The following CACNG5 variants were observed in gnomAD, a reference collection of about 807,000 sequenced individuals.
CACNG5 encodes the protein calcium voltage-gated channel auxiliary subunit gamma 5, also known as voltage-dependent calcium channel gamma-5 subunit.
Under a neutral mutation model 24.8 loss-of-function variants are expected in CACNG5, and 18 were observed. The ratio of observed to expected loss-of-function variants is 0.73; its 90% CI spans 0.50 to 1.08. CACNG5 has a LOEUF of 1.08. Ranked by LOEUF, CACNG5 falls within the 50% of genes least tolerant of loss-of-function variation. The pLI is 0.00. For synonymous variants in CACNG5, 157 were observed against 149.1 expected (o/e 1.05, Z -0.39); for missense variants, 349 against 367.9 (o/e 0.95, Z 0.42).
rs143414497 is a variant in CACNG5, at chr17:66,885,178, A to T, written c.766A>T (p.Ser256Cys). 5 of 1,611,478 alleles carry T rather than the reference A, an allele frequency of 3.1e-6. No homozygotes were observed. In the South Asian group the frequency reaches 5.5e-5, roughly 18 times the overall value. Residue 256 changes from serine to cysteine, a missense_variant, in exon 6 of 6, where the codon AGC becomes TGC. Physicochemically the swap from Ser to Cys is moderately radical, Grantham distance 112 (BLOSUM62 -1). Coordinates refer to ENST00000533854, the MANE Select transcript of CACNG5 (RefSeq NM_145811.3). ...CAGCGAGGCCTCCCTGCAGATGAAC[A>T]GCAACTACCCCGCCTTGCTCAAGTG... ...ISSEASLQMN[S>C]NYPALLKCPD...
chr17:66,880,794 T>C, intron 4 of CACNG5, 97 bp downstream of exon 4: 13 of 1,370,094 alleles, frequency 9.5e-6, no homozygotes, highest in Non-Finnish European at 1.3e-5. Context: ...CACGCTGGAG[T>C]GCAGTGGCAC....
Position 66,892,411 on chromosome 17 carries a change from C to G in CACNG5, c.*7171C>G, listed in dbSNP as rs537057800. Among the ~76,000 whole-genome samples the G allele has an allele frequency of 1.0e-3, 153 of 152,344 alleles. 2 individuals are homozygous for G. The highest frequency in any genetic ancestry group is 3.7e-3 in the African/African-American group (152 of 41,576). On this transcript the variant is annotated 3_prime_UTR_variant, in exon 6 of 6. Transcript: ENST00000533854. The stretch of plus-strand genomic sequence containing the variant: ...TCTCCAGCCCACTGTCAGGGCCAAG[C>G]AAGCAGGGATGCAAGCAGGGATGAT...
intron 1 of CACNG5, among the ~76,000 whole-genome samples, chr17:66,854,694 CAAAA>C (rs893574968): frequency 6.6e-6 from 1 of 150,500 alleles, no homozygotes; most frequent in African/African-American, 2.5e-5. Context: ...GACTCTGTCT[CAAAA>C]AAAAGAAAGA....
At chr17:66,871,078 C>A (rs1315479903) in intron 1 of CACNG5, among the ~76,000 whole-genome samples, 1 of 152,150 alleles carries the variant, frequency 6.6e-6, no homozygotes, top group Non-Finnish European at 1.5e-5. Flanking sequence ...AGGGCCCCCG[C>A]CTCTCAGTGA....
At chr17:66,874,684 T>A (rs1305151953) in intron 1 of CACNG5, among the ~76,000 whole-genome samples, 3 of 152,164 alleles carry the variant, frequency 2.0e-5, no homozygotes, top group East Asian at 3.9e-4. Context: ...ACATTGAGGA[T>A]CAAATTTCAA....
chr17:66,881,976 T>C (rs1375888275), intron 4 of CACNG5, among the ~76,000 whole-genome samples: 1 of 152,100 alleles, frequency 6.6e-6, no homozygotes, highest in Non-Finnish European at 1.5e-5. Context: ...AGGAGAAGAC[T>C]TAGATGGATT....
rs188368896 is a variant in CACNG5 at position 66,880,538 on chromosome 17, C to A, written c.284-19C>A. ...CAGGCCTGGAGGCTGACAGGCCGCC[C>A]TTTTGTCCCGTTAATTAGAGATGAT... On this transcript the variant is annotated intron_variant, in intron 3 of 5. Coordinates refer to ENST00000533854, the MANE Select transcript of CACNG5 (RefSeq NM_145811.3). 20 of 1,614,116 alleles carry A rather than the reference C, an allele frequency of 1.2e-5. No individual in the cohort carries two copies. The East Asian group carries it at 1.3e-4, about 11-fold the overall frequency.
intron 1 of CACNG5, among the ~76,000 whole-genome samples, chr17:66,873,678 A>G (rs1219120019): frequency 6.6e-6 from 1 of 152,160 alleles, no homozygotes; most frequent in Non-Finnish European, 1.5e-5. Flanking sequence ...GACTTTTTTC[A>G]AAGCATAGTC....
At chr17:66,882,499 T>A (rs539929531) in intron 4 of CACNG5, among the ~76,000 whole-genome samples, 2 of 152,260 alleles carry the variant, frequency 1.3e-5, no homozygotes, top group South Asian at 2.1e-4. Flanking sequence ...AGATTACTCA[T>A]GGCTGGTGTG....
In CACNG5 at chr17:66,889,953, C is replaced by A. The variant is rs1977318902; in HGVS notation, c.*4713C>A. ...GGAGGCCGGGGGAGCCACATTCCAC[C>A]TAAGGCCTGAGCAAATTGGCACCTG... is the stretch of plus-strand genomic sequence containing the variant. On this transcript the variant is annotated 3_prime_UTR_variant, in exon 6 of 6. Coordinates refer to ENST00000533854, the MANE Select transcript of CACNG5 (RefSeq NM_145811.3). 6.6e-6 allele frequency among the ~76,000 whole-genome samples: 1 copy of A among 152,194 alleles called. No individual in the cohort carries two copies. Among genetic ancestry groups the A allele is most frequent in the Non-Finnish European group, 1.5e-5 (1 of 68,038 alleles).
intron 1 of CACNG5, among the ~76,000 whole-genome samples, chr17:66,873,794 G>A (rs571069328): frequency 2.1e-4 from 32 of 152,200 alleles, no homozygotes; most frequent in African/African-American, 7.5e-4. Context: ...GGGTTTCACA[G>A]AACATGATGT....
chr17:66,884,241 T>A (rs780876459), intron 4 of CACNG5, among the ~76,000 whole-genome samples: 2 of 152,066 alleles, frequency 1.3e-5, no homozygotes, highest in South Asian at 4.2e-4. Flanking sequence ...GTGACAGATA[T>A]GCACAGCAGG....
chr17:66,872,311 C>G (rs1421594324), intron 1 of CACNG5, among the ~76,000 whole-genome samples: 1 of 152,096 alleles, frequency 6.6e-6, no homozygotes, highest in African/African-American at 2.4e-5. Context: ...TAAGAAAAAT[C>G]AAATGAACAT....
chr17:66,858,659 A>G (rs890511322), intron 1 of CACNG5, among the ~76,000 whole-genome samples: 4 of 151,844 alleles, frequency 2.6e-5, no homozygotes, highest in Non-Finnish European at 4.4e-5. Context: ...GCTGAGGAAC[A>G]GGGCAAGCTG....
intron 1 of CACNG5, among the ~76,000 whole-genome samples, chr17:66,864,286 A>G (rs546731538): frequency 6.6e-6 from 1 of 152,260 alleles, no homozygotes; most frequent in East Asian, 1.9e-4. Context: ...AGATTGAGCT[A>G]TTTACCAGAC....
intron 1 of CACNG5, among the ~76,000 whole-genome samples, chr17:66,875,149 C>T (rs751979085): frequency 6.6e-5 from 10 of 152,230 alleles, no homozygotes; most frequent in East Asian, 3.9e-4. Context: ...ACTCTGCAAG[C>T]GGCAGCACCT....
chr17:66,880,790 G>A (rs533225136), intron 4 of CACNG5, 93 bp downstream of exon 4: 3 of 1,376,090 alleles, frequency 2.2e-6, no homozygotes, highest in Admixed American at 3.7e-5. Context: ...CACCCACGCT[G>A]GAGTGCAGTG....
intron 2 of CACNG5, among the ~76,000 whole-genome samples, chr17:66,878,395 G>A (rs550657081): frequency 5.3e-5 from 8 of 152,216 alleles, no homozygotes; most frequent in Non-Finnish European, 1.0e-4. Flanking sequence ...ACAGCTTTGG[G>A]GGATGGAGTG....
chr17:66,879,043 A>G lies in CACNG5; in HGVS notation c.268A>G (p.Thr90Ala). ...PMNTQLTSES[T>A]VNVLKMIRSA... ...GAACACCCAGCTGACATCCGAGTCC[A>G]CGGTCAATGTTCTAAGTAAGTGCCT... Residue 90 changes from threonine (T) to alanine (A), a missense_variant, in exon 3 of 6, where the codon ACG becomes GCG. Physicochemically the swap from Thr to Ala is moderately conservative, Grantham distance 58 (BLOSUM62 0). Transcript: ENST00000533854. The G allele has an allele frequency of 1.2e-6, 2 of 1,614,046 alleles. No homozygotes were observed. The highest frequency in any genetic ancestry group is 1.7e-6 in the Non-Finnish European group (2 of 1,179,936).
Sources: allele counts gnomAD v4.1 joint callset (sites outside exome capture counted in the v4.1 genomes callset), GRCh38; gene constraint gnomAD v4.1.1; transcripts MANE v1.5; gene names NCBI Gene and HGNC (gene_info 2026-07-23, HGNC 2026-07-21).